The following SUMF1 variants were observed in gnomAD, a reference collection of about 807,000 sequenced individuals.
The protein encoded by SUMF1 is sulfatase modifying factor 1.
Under a neutral mutation model 47.6 loss-of-function variants are expected in SUMF1, and 48 were observed. The observed-to-expected ratio is 1.01, with a 90% confidence interval of 0.80 to 1.28. The LOEUF (loss-of-function observed/expected upper bound fraction) is 1.28, where lower values mean the gene tolerates loss of function less well. Ranked by LOEUF, SUMF1 falls within the 50% of genes most tolerant of loss-of-function variation. The pLI is 0.00. For missense variants in SUMF1, 571 were observed against 485.4 expected (o/e 1.18, Z -1.66); for synonymous variants, 230 against 192.1 (o/e 1.20, Z -1.63).
intron 8 of SUMF1, among the ~76,000 whole-genome samples, chr3:4,251,533 G>A (rs1478553569): frequency 6.6e-6 from 1 of 152,204 alleles, no homozygotes; most frequent in Non-Finnish European, 1.5e-5. Context: ...ATGCTTTACA[G>A]AGAAATCTTT....
At chr3:4,374,568 T>C (rs1700265694) in intron 8 of SUMF1, among the ~76,000 whole-genome samples, 1 of 152,242 alleles carries the variant, frequency 6.6e-6, no homozygotes, top group Non-Finnish European at 1.5e-5. Flanking sequence ...TTACCCCATT[T>C]ATTCTTGATG....
At chr3:4,466,417 G>A (rs571080094) in intron 1 of SUMF1, among the ~76,000 whole-genome samples, 5 of 152,262 alleles carry the variant, frequency 3.3e-5, no homozygotes, top group Admixed American at 3.3e-4. Context: ...CGGCCAGTAA[G>A]TTATTTATAT....
At chr3:4,197,710 T>C (rs2629250) in intron 8 of SUMF1, among the ~76,000 whole-genome samples, 38,061 of 151,926 alleles carry the variant, frequency 0.25, 5,546 homozygotes, top group East Asian at 0.4. Flanking sequence ...AGATACTCTA[T>C]TGTCTATCCA....
chr3:4,312,845 A>G, intron 8 of SUMF1: 3 of 1,535,018 alleles, frequency 2.0e-6, no homozygotes, highest in Admixed American at 2.1e-5. Flanking sequence ...CTTGGAATAT[A>G]TAGGAAATAT....
intron 7 of SUMF1, among the ~76,000 whole-genome samples, chr3:4,399,947 T>C (rs1701155525): frequency 6.6e-6 from 1 of 152,020 alleles, no homozygotes; most frequent in African/African-American, 2.4e-5. Flanking sequence ...TTAGTAGGGA[T>C]GGAGTTTCAC....
chr3:4,156,025 G>C (rs1694445205), intron 8 of SUMF1, among the ~76,000 whole-genome samples: 1 of 151,266 alleles, frequency 6.6e-6, no homozygotes, highest in South Asian at 2.1e-4. Context: ...TCATCTGAAA[G>C]TAAGAAAGAA....
chr3:4,077,484 G>C (rs1324811506), intron 8 of SUMF1, among the ~76,000 whole-genome samples: 2 of 152,082 alleles, frequency 1.3e-5, no homozygotes, highest in East Asian at 3.8e-4. Context: ...CCATGAAAAA[G>C]AACAAGTTCA....
At chr3:4,434,765 G>C (rs4685750) in intron 3 of SUMF1, among the ~76,000 whole-genome samples, 50,503 of 151,898 alleles carry the variant, frequency 0.33, 9,180 homozygotes, top group East Asian at 0.77. Flanking sequence ...CGAGCTTTAG[G>C]TGAGACAAAA....
At chr3:4,311,326 T>C (rs1698395859) in intron 8 of SUMF1, among the ~76,000 whole-genome samples, 1 of 152,176 alleles carries the variant, frequency 6.6e-6, no homozygotes, top group Non-Finnish European at 1.5e-5. Context: ...AAAATAATAA[T>C]GGAGGATTGA....
At chr3:4,330,830 A>G (rs542889410) in intron 8 of SUMF1, among the ~76,000 whole-genome samples, 2 of 152,206 alleles carry the variant, frequency 1.3e-5, no homozygotes, top group South Asian at 2.1e-4. Flanking sequence ...TTAGTAAAAC[A>G]TTGTCAACAA....
chr3:4,251,811 C>A (rs941683309), intron 8 of SUMF1, among the ~76,000 whole-genome samples: 6 of 152,184 alleles, frequency 3.9e-5, no homozygotes, highest in African/African-American at 1.2e-4. Flanking sequence ...CAAGACCCTA[C>A]AATGGCAAAA....
At chr3:4,400,965 T>TC (rs369524107) in intron 7 of SUMF1, among the ~76,000 whole-genome samples, 27,001 of 90,688 alleles carry the variant, frequency 0.3, 4,134 homozygotes, top group Non-Finnish European at 0.38. Context: ...CCCTCCCCCC[T>TC]CCCCCCACCC....
intron 8 of SUMF1, among the ~76,000 whole-genome samples, chr3:4,217,813 T>A (rs1292118170): frequency 1.3e-5 from 2 of 151,300 alleles, no homozygotes; most frequent in Non-Finnish European, 2.9e-5. Flanking sequence ...CAACTAAAAT[T>A]CACCAGGGAA....
At chr3:4,351,436 T>C (rs945570257) in intron 8 of SUMF1, among the ~76,000 whole-genome samples, 5 of 152,062 alleles carry the variant, frequency 3.3e-5, no homozygotes, top group Non-Finnish European at 7.4e-5. Context: ...ATATACTTTT[T>C]CAGACCGCTA....
intron 8 of SUMF1, among the ~76,000 whole-genome samples, chr3:4,102,902 G>T (rs1693068547): frequency 6.6e-6 from 1 of 151,404 alleles, no homozygotes; most frequent in Non-Finnish European, 1.5e-5. Flanking sequence ...AAGAAAAAAT[G>T]GATAGATGAA....
chr3:4,380,428 G>A (rs76041512), intron 7 of SUMF1, among the ~76,000 whole-genome samples: 1 of 152,300 alleles, frequency 6.6e-6, no homozygotes, highest in Middle Eastern at 3.4e-3. Context: ...TTTGGGCAAG[G>A]TGGAGGGTGA....
chr3:4,129,656 C>T (rs904529235), intron 8 of SUMF1, among the ~76,000 whole-genome samples: 3 of 152,062 alleles, frequency 2.0e-5, no homozygotes, highest in Admixed American at 6.5e-5. Flanking sequence ...GACCTCCAGC[C>T]GTTTACCAGG....
At chr3:4,091,347 G>A (rs1394700838) in intron 8 of SUMF1, among the ~76,000 whole-genome samples, 1 of 152,026 alleles carries the variant, frequency 6.6e-6, no homozygotes, top group Non-Finnish European at 1.5e-5. Context: ...GAACATGATA[G>A]TGGCTCCATA....
chr3:4,461,038 C>T lies in SUMF1; in HGVS notation c.270+5938G>A, dbSNP rs886844265. ...GAAATGAATCTTTTATTTCTATATC[C>T]CCACTGCCTAGCATGGTGCATGGTC... is the stretch of plus-strand genomic sequence containing the variant. On this transcript the variant is annotated intron_variant, in intron 1 of 8. Coordinates refer to ENST00000272902, the MANE Select transcript of SUMF1 (RefSeq NM_182760.4). Among the ~76,000 whole-genome samples the T allele has an allele frequency of 3.3e-5, 5 of 152,086 alleles. No individual in the cohort carries two copies. In the East Asian group the frequency reaches 9.6e-4, roughly 29 times the overall value.
Sources: allele counts gnomAD v4.1 joint callset (sites outside exome capture counted in the v4.1 genomes callset), GRCh38; gene constraint gnomAD v4.1.1; transcripts MANE v1.5; gene names NCBI Gene and HGNC (gene_info 2026-07-23, HGNC 2026-07-21).